Variants in EPHA3 observed in about 807,000 individuals in gnomAD.
EPHA3 encodes the protein EPH receptor A3, also known as ephrin type-A receptor 3.
A neutral mutation model predicts 107.1 loss-of-function variants in EPHA3; 42 were observed. The ratio of observed to expected loss-of-function variants is 0.39; its 90% CI spans 0.31 to 0.51. EPHA3 has a LOEUF of 0.51. Ranked by LOEUF, EPHA3 falls within the 20% of genes least tolerant of loss-of-function variation. The pLI is 0.78. For synonymous variants in EPHA3, 461 were observed against 424.8 expected, an observed-to-expected ratio of 1.09 and a Z score of -1.05; for missense variants, 1,183 against 1,211.2, an observed-to-expected ratio of 0.98 and a Z score of 0.35.
chr3:89,205,954 G>A (rs1354799980), intron 2 of EPHA3, among the ~76,000 whole-genome samples: 3 of 152,082 alleles, frequency 2.0e-5, no homozygotes, highest in Non-Finnish European at 4.4e-5. Context: ...TACAAAGCAT[G>A]AGCATTATAA....
intron 1 of EPHA3, among the ~76,000 whole-genome samples, chr3:89,124,357 G>C (rs1457883473): frequency 6.6e-6 from 1 of 152,066 alleles, no homozygotes; most frequent in Non-Finnish European, 1.5e-5. Flanking sequence ...CAATTATGCT[G>C]TATACTCAAA....
chr3:89,120,589 C>T (rs1243963731), intron 1 of EPHA3, among the ~76,000 whole-genome samples: 1 of 152,168 alleles, frequency 6.6e-6, no homozygotes, highest in African/African-American at 2.4e-5. Context: ...AATTTTAACA[C>T]TTGATAAACA....
chr3:89,267,605 T>C (rs1705567510), intron 3 of EPHA3, among the ~76,000 whole-genome samples: 1 of 152,140 alleles, frequency 6.6e-6, no homozygotes, highest in Admixed American at 6.6e-5. Context: ...GGAAGCTACA[T>C]TAAAGGTAAC....
At chr3:89,422,679 T>G (rs909989425) in intron 11 of EPHA3, among the ~76,000 whole-genome samples, 1 of 151,428 alleles carries the variant, frequency 6.6e-6, no homozygotes, top group African/African-American at 2.4e-5. Flanking sequence ...ACCAATCAAT[T>G]TGGGTGTATA....
intron 3 of EPHA3, among the ~76,000 whole-genome samples, chr3:89,340,163 C>T (rs933858514): frequency 1.3e-5 from 2 of 151,914 alleles, no homozygotes; most frequent in African/African-American, 4.8e-5. Flanking sequence ...ATAACCAGTT[C>T]AATAGGCTTA....
rs1401352331 is a variant in EPHA3, at chr3:89,123,202, T to A, written c.89-4007T>A. Among the ~76,000 whole-genome samples the A allele has an allele frequency of 2.2e-4, 34 of 152,244 alleles. 1 individual carries two copies. The highest frequency in any genetic ancestry group is 2.2e-3 in the Admixed American group (34 of 15,290). ...CTCTGTTTCCCAGGCTGCATTGCGGTGGCGCAATCTCGGCTCACTGCAACC... is the reference window on the plus strand; with the variant it reads ...CTCTGTTTCCCAGGCTGCATTGCGGAGGCGCAATCTCGGCTCACTGCAACC... On this transcript the variant is annotated intron_variant, in intron 1 of 16. Transcript: ENST00000336596.
chr3:89,138,936 A>C (rs1704370728), intron 2 of EPHA3, among the ~76,000 whole-genome samples: 1 of 151,894 alleles, frequency 6.6e-6, no homozygotes. Context: ...CTCAGTGAAC[A>C]TGAAAATTAT....
intron 3 of EPHA3, among the ~76,000 whole-genome samples, chr3:89,306,890 C>A (rs574010613): frequency 3.3e-5 from 5 of 152,182 alleles, no homozygotes; most frequent in Admixed American, 2.6e-4. Context: ...GATGAAGCAC[C>A]TTTCATGGTT....
intron 13 of EPHA3, among the ~76,000 whole-genome samples, chr3:89,436,572 A>C (rs1709674066): frequency 6.6e-6 from 1 of 152,248 alleles, no homozygotes; most frequent in Non-Finnish European, 1.5e-5. Flanking sequence ...TACTGAACAT[A>C]GAATGTCTGT....
At chr3:89,301,778 C>A (rs893477046) in intron 3 of EPHA3, among the ~76,000 whole-genome samples, 1 of 152,086 alleles carries the variant, frequency 6.6e-6, no homozygotes, top group African/African-American at 2.4e-5. Context: ...CTAGGAAGCT[C>A]CACAGAATAG....
intron 11 of EPHA3, among the ~76,000 whole-genome samples, chr3:89,425,801 A>G (rs1170910222): frequency 6.6e-6 from 1 of 151,602 alleles, no homozygotes; most frequent in African/African-American, 2.4e-5. Context: ...GTGTTAAAAT[A>G]GCTGGTGCTG....
chr3:89,145,750 G>A (rs574896427), intron 2 of EPHA3, among the ~76,000 whole-genome samples: 22 of 151,270 alleles, frequency 1.5e-4, no homozygotes, highest in South Asian at 6.3e-4. Context: ...AGTATTTATC[G>A]TTTCCTGAGG....
chr3:89,129,600 TTG>T lies in EPHA3; in HGVS notation c.153+2329_153+2330del, dbSNP rs1179421193. On this transcript the variant is annotated intron_variant, in intron 2 of 16. Transcript: ENST00000336596. ...TAGTGCAGATTTAGAAAACATTAGA[TTG>T]TTTTTTTTTTTTTTTTGAGAAACTG... Among the ~76,000 whole-genome samples, 216 of 129,522 alleles carry T rather than the reference TTG, an allele frequency of 1.7e-3. 2 individuals carry two copies. Among genetic ancestry groups the T allele is most frequent in the African/African-American group, 6.4e-3 (206 of 32,158 alleles). 85.0% of individuals were successfully genotyped at this position (129,522 alleles called of 152,430 possible). A position where few individuals can be genotyped will look rare whatever the true frequency, so the allele number is the denominator to read the frequency against.
intron 3 of EPHA3, among the ~76,000 whole-genome samples, chr3:89,246,740 AGTT>A (rs1450569622): frequency 6.6e-6 from 1 of 152,218 alleles, no homozygotes; most frequent in Non-Finnish European, 1.5e-5. Flanking sequence ...ATGAAATATG[AGTT>A]GTTGTAAGAA....
At chr3:89,208,332 T>C (rs1181595547) in intron 2 of EPHA3, among the ~76,000 whole-genome samples, 1 of 145,000 alleles carries the variant, frequency 6.9e-6, no homozygotes, top group African/African-American at 2.6e-5. Flanking sequence ...ATCGTGCCAT[T>C]GCACTCTAGC....
intron 2 of EPHA3, among the ~76,000 whole-genome samples, chr3:89,192,635 A>G (rs1220138823): frequency 2.0e-5 from 3 of 152,076 alleles, no homozygotes; most frequent in Non-Finnish European, 4.4e-5. Context: ...TCTCTAAAAT[A>G]TAGAGTTAAT....
At chr3:89,152,921 G>C (rs1011581515) in intron 2 of EPHA3, among the ~76,000 whole-genome samples, 3 of 152,042 alleles carry the variant, frequency 2.0e-5, no homozygotes, top group Non-Finnish European at 4.4e-5. Context: ...TCAGTTTGTA[G>C]TATTTATCTG....
At chr3:89,400,023 T>G in intron 7 of EPHA3, 1 of 1,038,090 alleles carries the variant, frequency 9.6e-7, no homozygotes, top group Non-Finnish European at 1.2e-6. Flanking sequence ...GGCCTAAAAC[T>G]GGCAAACATT....
chr3:89,236,271 T>C (rs187001022), intron 3 of EPHA3, among the ~76,000 whole-genome samples: 1 of 152,060 alleles, frequency 6.6e-6, no homozygotes, highest in Non-Finnish European at 1.5e-5. Flanking sequence ...GCAAGGTATA[T>C]TTTCATAAAG....
Sources: allele counts gnomAD v4.1 joint callset (sites outside exome capture counted in the v4.1 genomes callset), GRCh38; gene constraint gnomAD v4.1.1; transcripts MANE v1.5; gene names NCBI Gene and HGNC (gene_info 2026-07-23, HGNC 2026-07-21).